The following HEATR9 variants were observed in gnomAD, a reference collection of about 807,000 sequenced individuals.
HEATR9 encodes the protein HEAT repeat containing 9.
In HEATR9, 54 loss-of-function variants were observed where a neutral mutation model predicts 68.2. That is an observed-to-expected ratio of 0.79 (90% confidence interval 0.64 to 0.99). The LOEUF is 0.99. Among genes scored for constraint, HEATR9 ranks in the 50% least tolerant of loss-of-function variants. The probability of loss-of-function intolerance (pLI) is 0.00; values close to 1 mark genes in which losing one functional copy is unlikely to be tolerated. For missense variants in HEATR9, 662 were observed against 679.7 expected (o/e 0.97, Z 0.29); for synonymous variants, 241 against 253.5 (o/e 0.95, Z 0.47).
chr17:35,865,010 T>C (rs2088142807), intron 3 of HEATR9, 120 bp from the exon 4 acceptor site: 1 of 1,423,694 alleles, frequency 7.0e-7, no homozygotes, highest in Non-Finnish European at 9.8e-7. Context: ...GGAAGACAGA[T>C]GAGGACTCAG....
At chr17:35,864,123 C>T in intron 6 of HEATR9, 123 bp downstream of exon 6, 1 of 738,718 alleles carries the variant, frequency 1.4e-6, no homozygotes, top group Non-Finnish European at 2.4e-6. Flanking sequence ...ACAGTGGTGG[C>T]TGTGTCCTTA....
intron 1 of HEATR9, among the ~76,000 whole-genome samples, 188 bp from the exon 2 acceptor site, chr17:35,866,961 A>T (rs1456819528): frequency 1.3e-5 from 2 of 151,900 alleles, no homozygotes; most frequent in Non-Finnish European, 2.9e-5. Context: ...TACAAAAAAA[A>T]CATTAGCCAG....
intron 2 of HEATR9, among the ~76,000 whole-genome samples, chr17:35,865,718 A>G (rs967276750): frequency 6.6e-6 from 1 of 152,212 alleles, no homozygotes; most frequent in Non-Finnish European, 1.5e-5. Flanking sequence ...ATTTGAATAC[A>G]TAGTTTGGTT....
At chr17:35,855,466 T>G in intron 14 of HEATR9, 56 bp from the exon 15 acceptor site, 1 of 1,521,050 alleles carries the variant, frequency 6.6e-7, no homozygotes, top group Non-Finnish European at 9.0e-7. Flanking sequence ...GCTGGGAGGC[T>G]CCAGAGAGGG....
At chr17:35,859,612 C>T (rs1350628440) in intron 8 of HEATR9, among the ~76,000 whole-genome samples, 1 of 152,214 alleles carries the variant, frequency 6.6e-6, no homozygotes, top group African/African-American at 2.4e-5. Context: ...TGTAATCACT[C>T]CCCTTCCTCA....
chr17:35,863,488 G>A lies in HEATR9; in HGVS notation c.625+14C>T, dbSNP rs1423144185. 3 of 1,613,788 alleles carry A rather than the reference G, an allele frequency of 1.9e-6. No individual in the cohort carries two copies. Among genetic ancestry groups the A allele is most frequent in the South Asian group, 1.1e-5 (1 of 91,082 alleles). ...ACTTTCTCAACTCCCCACCAAGGGA[G>A]AAGACATACTCACCCAGGATGGCCA... On this transcript the variant is annotated intron_variant, in intron 7 of 14. Transcript: ENST00000604834.
chr17:35,858,551 G>A (rs769106396), intron 9 of HEATR9, 26 bp from the exon 10 acceptor site: 1 of 1,599,094 alleles, frequency 6.3e-7, no homozygotes, highest in Admixed American at 1.7e-5. Flanking sequence ...GTAGGGCAGG[G>A]TGTACAGGGC....
intron 8 of HEATR9, chr17:35,861,528 GAT>G: frequency 1.1e-6 from 1 of 913,556 alleles, no homozygotes; most frequent in Non-Finnish European, 1.8e-6. Flanking sequence ...GGCTGGGGTA[GAT>G]GGGCCTCGAA....
intron 1 of HEATR9, among the ~76,000 whole-genome samples, chr17:35,868,044 G>A (rs888237000): frequency 2.6e-5 from 4 of 152,208 alleles, no homozygotes; most frequent in Admixed American, 6.5e-5. Context: ...GCCTCCCAAA[G>A]TGCTGGGATT....
At chr17:35,866,127 G>A (rs1382871780) in intron 2 of HEATR9, among the ~76,000 whole-genome samples, 1 of 151,996 alleles carries the variant, frequency 6.6e-6, no homozygotes, top group African/African-American at 2.4e-5. Flanking sequence ...GGCTTCAGCT[G>A]TGGTTCCCAA....
intron 8 of HEATR9, among the ~76,000 whole-genome samples, chr17:35,860,681 G>A (rs558830652): frequency 4.0e-5 from 6 of 151,226 alleles, no homozygotes; most frequent in African/African-American, 1.2e-4. Flanking sequence ...AGTAGAGACC[G>A]GGTTTCACCA....
intron 8 of HEATR9, chr17:35,861,253 G>A: frequency 1.3e-6 from 2 of 1,519,042 alleles, no homozygotes; most frequent in Non-Finnish European, 9.1e-7. Flanking sequence ...TATAAATTTA[G>A]CTTGACGTTT....
In HEATR9 at chr17:35,863,130, A is replaced by C; in HGVS notation, c.626-5T>G. 3 of 1,613,846 alleles carry C rather than the reference A, an allele frequency of 1.9e-6. No individual in the cohort carries two copies. Among genetic ancestry groups the C allele is most frequent in the Non-Finnish European group, 2.5e-6 (3 of 1,180,026 alleles). On this transcript the variant is annotated splice_polypyrimidine_tract_variant and splice_region_variant and intron_variant, in intron 7 of 14. Coordinates refer to ENST00000604834, the MANE Select transcript of HEATR9 (RefSeq NM_152781.4). ...TCACATGCTTATTCAGGCAACCTGG[A>C]CAGGGAGGGGCCTCAAGTCAGGGCA...
In HEATR9 at chr17:35,863,185, G is replaced by A. The variant is rs1050278886; in HGVS notation, c.626-60C>T. The A allele has an allele frequency of 1.9e-6, 3 of 1,605,516 alleles. No homozygotes were observed. In the Admixed American group the frequency reaches 5.0e-5, roughly 27 times the overall value. On this transcript the variant is annotated intron_variant, in intron 7 of 14. Transcript: ENST00000604834. ...CTCTGGTACTGCCCCTCTCTGCAAG[G>A]ACCCATTGAACTCCACTGTGCCATC... is the stretch of plus-strand genomic sequence containing the variant.
intron 6 of HEATR9, chr17:35,864,004 TC>T (rs1189012170): frequency 3.9e-5 from 22 of 569,794 alleles, no homozygotes; most frequent in Non-Finnish European, 6.3e-5. Flanking sequence ...GGCTTTTCAG[TC>T]CAATGTCTTT....
intron 3 of HEATR9, 142 bp from the exon 4 acceptor site, chr17:35,865,032 AGAGCCGAGCC>A: frequency 7.4e-7 from 1 of 1,357,902 alleles, no homozygotes; most frequent in Non-Finnish European, 1.0e-6. Context: ...GATATCCACC[AGAGCCGAGCC>A]GAGCCGAGCC....
At chr17:35,863,616 T>G (rs1413947132) in intron 6 of HEATR9, 57 bp from the exon 7 acceptor site, 9 of 1,552,970 alleles carry the variant, frequency 5.8e-6, no homozygotes, top group Admixed American at 3.3e-5. Context: ...TGTCAGAGCT[T>G]TAGGGATTGT....
chr17:35,860,130 C>T (rs1359371369), intron 8 of HEATR9, among the ~76,000 whole-genome samples: 2 of 151,988 alleles, frequency 1.3e-5, no homozygotes, highest in Non-Finnish European at 2.9e-5. Context: ...GGCACGGTGG[C>T]TTACGCCTGT....
chr17:35,861,810 T>C (rs9914401), intron 8 of HEATR9, among the ~76,000 whole-genome samples: 20,648 of 152,048 alleles, frequency 0.14, 1,576 homozygotes, highest in East Asian at 0.22. Context: ...GCTATGTAAT[T>C]GTTTCCATTG....
Sources: gnomAD v4.1 joint callset for allele counts (sites outside exome capture counted in the v4.1 genomes callset) on GRCh38, gnomAD v4.1.1 for gene constraint, MANE v1.5 for transcripts, NCBI Gene and HGNC (gene_info 2026-07-23, HGNC 2026-07-21) for gene names.